Variants in ANKS1B observed in about 807,000 individuals in gnomAD.
ANKS1B encodes ankyrin repeat and sterile alpha motif domain containing 1B.
In ANKS1B, 36 loss-of-function variants were observed where a neutral mutation model predicts 148.3. The observed-to-expected ratio is 0.24, with a 90% CI of 0.19 to 0.32. The LOEUF (loss-of-function observed/expected upper bound fraction) is 0.32. ANKS1B is among the 10% of genes least tolerant of loss of function. ANKS1B has a pLI of 1.00. For synonymous variants in ANKS1B, 542 were observed against 560.8 expected (o/e 0.97, Z 0.47); for missense variants, 1,157 against 1,542.6 (o/e 0.75, Z 4.19).
At chr12:98,777,526 C>T (rs2098691676) in intron 24 of ANKS1B, among the ~76,000 whole-genome samples, 1 of 152,182 alleles carries the variant, frequency 6.6e-6, no homozygotes, top group Non-Finnish European at 1.5e-5. Context: ...GAAGAAGGGT[C>T]CGTTACTAAA....
chr12:99,049,137 T>C (rs996003849), intron 17 of ANKS1B: 4 of 152,232 alleles, frequency 2.6e-5, no homozygotes, highest in Non-Finnish European at 5.9e-5. Flanking sequence ...ATTTCTCATT[T>C]ATTATGTCCC....
At chr12:99,149,338 T>C (rs1477762720) in intron 15 of ANKS1B, among the ~76,000 whole-genome samples, 1 of 152,182 alleles carries the variant, frequency 6.6e-6, no homozygotes. Context: ...TTTGTTGAAA[T>C]GGATGACTCC....
intron 1 of ANKS1B, among the ~76,000 whole-genome samples, chr12:99,866,764 A>C (rs1446414255): frequency 6.6e-6 from 1 of 152,196 alleles, no homozygotes; most frequent in Non-Finnish European, 1.5e-5. Flanking sequence ...AAGAAAATCT[A>C]AATGTATAAT....
intron 9 of ANKS1B, among the ~76,000 whole-genome samples, chr12:99,622,271 T>C (rs2098062595): frequency 6.6e-6 from 1 of 151,902 alleles, no homozygotes; most frequent in Non-Finnish European, 1.5e-5. Context: ...ATAGCACTAA[T>C]TGCCTACTTC....
At chr12:99,855,195 G>GA (rs1263714788) in intron 1 of ANKS1B, among the ~76,000 whole-genome samples, 1 of 152,062 alleles carries the variant, frequency 6.6e-6, no homozygotes, top group Admixed American at 6.5e-5. Context: ...AACTTAAGGT[G>GA]AAGGGGTAGA....
chr12:99,347,596 A>G (rs1186044972), intron 12 of ANKS1B, among the ~76,000 whole-genome samples: 2 of 152,024 alleles, frequency 1.3e-5, no homozygotes, highest in Non-Finnish European at 2.9e-5. Flanking sequence ...TCAAATCACT[A>G]GCTGACCATT....
intron 14 of ANKS1B, among the ~76,000 whole-genome samples, chr12:99,244,122 G>T (rs1372872925): frequency 4.0e-5 from 6 of 151,518 alleles, no homozygotes; most frequent in Non-Finnish European, 5.9e-5. Context: ...CACTGGCATA[G>T]TAAAATAGCA....
chr12:99,328,747 A>G (rs1357891024), intron 12 of ANKS1B, among the ~76,000 whole-genome samples: 1 of 152,032 alleles, frequency 6.6e-6, no homozygotes, highest in Non-Finnish European at 1.5e-5. Flanking sequence ...AACAAGTAGG[A>G]AATATGACCC....
chr12:99,292,448 G>A (rs1034334890), intron 12 of ANKS1B, among the ~76,000 whole-genome samples: 3 of 151,126 alleles, frequency 2.0e-5, no homozygotes, highest in African/African-American at 7.3e-5. Flanking sequence ...CTGGGAGGCG[G>A]AGCTTTCAGT....
chr12:99,022,415 T>C (rs767320898), intron 17 of ANKS1B, among the ~76,000 whole-genome samples: 2 of 152,196 alleles, frequency 1.3e-5, no homozygotes, highest in Non-Finnish European at 2.9e-5. Context: ...AAATTTGAAG[T>C]TTATCTGCCA....
chr12:99,463,473 G>T (rs2088796), intron 10 of ANKS1B, among the ~76,000 whole-genome samples: 23,828 of 152,150 alleles, frequency 0.16, 2,014 homozygotes, highest in South Asian at 0.22. Context: ...TGCGCGAGCC[G>T]AAGCAGGGCG....
At chr12:98,942,320 A>G (rs1462097412) in intron 17 of ANKS1B, among the ~76,000 whole-genome samples, 1 of 152,158 alleles carries the variant, frequency 6.6e-6, no homozygotes, top group Non-Finnish European at 1.5e-5. Context: ...ACTTTTGTGA[A>G]TGGCCAAAGT....
rs866977409 is a variant in ANKS1B, at chr12:98,936,086, T to C, written c.2779-103950A>G. Among the ~76,000 whole-genome samples the C allele has an allele frequency of 6.6e-5, 10 of 152,290 alleles. No homozygotes were observed. In the South Asian group the frequency reaches 2.1e-3, roughly 32 times the overall value. On this transcript the variant is annotated intron_variant, in intron 17 of 26. Coordinates refer to ENST00000683438, the MANE Select transcript of ANKS1B (RefSeq NM_001352186.2). Reference sequence around the variant, plus strand: ...GCAATGTTCAGTTCGATTTTAGTGGTTAGCACAATTTATGGTATTTTATTG... The same window carrying C: ...GCAATGTTCAGTTCGATTTTAGTGGCTAGCACAATTTATGGTATTTTATTG...
intron 15 of ANKS1B, among the ~76,000 whole-genome samples, chr12:99,133,717 T>C (rs145200186): frequency 5.9e-5 from 9 of 152,304 alleles, no homozygotes; most frequent in African/African-American, 2.2e-4. Context: ...GAGATGCCCA[T>C]AAGCCTATTT....
At position 99,085,012 on chromosome 12, in the gene ANKS1B, A is replaced by G; in HGVS notation, c.2538T>C (p.Val846=). Residue 846 remains valine (V), a synonymous_variant, in exon 16 of 27, where the codon GTT becomes GTC. Coordinates refer to ENST00000683438, the MANE Select transcript of ANKS1B (RefSeq NM_001352186.2). ...TTTCCAACAAATCCTGATCTTCCAT[A>G]ACATTGCTTCCCTGAAACAAAACAG... ...FDNVQFMGSN[V]MEDQDLLEIG... is the part of the protein sequence containing the mutation. The G allele has an allele frequency of 1.2e-6, 2 of 1,607,336 alleles. No homozygotes were observed. Among genetic ancestry groups the G allele is most frequent in the Non-Finnish European group, 1.7e-6 (2 of 1,176,524 alleles).
intron 12 of ANKS1B, among the ~76,000 whole-genome samples, chr12:99,291,508 G>A (rs1231257600): frequency 1.3e-5 from 2 of 152,124 alleles, no homozygotes; most frequent in Non-Finnish European, 2.9e-5. Context: ...CAGAAATATT[G>A]TAACAAAAAC....
intron 1 of ANKS1B, among the ~76,000 whole-genome samples, chr12:99,841,083 T>C (rs1004724876): frequency 6.6e-6 from 1 of 152,088 alleles, no homozygotes; most frequent in Non-Finnish European, 1.5e-5. Flanking sequence ...CTTGGGAAAA[T>C]TACCTAACTA....
chr12:99,794,940 A>G (rs1243072105), intron 4 of ANKS1B, among the ~76,000 whole-genome samples: 1 of 151,998 alleles, frequency 6.6e-6, no homozygotes, highest in Non-Finnish European at 1.5e-5. Flanking sequence ...TATCTCATGA[A>G]CCCATAAATA....
rs1190109833 is a variant in ANKS1B, at chr12:99,649,211, T to G, written c.1272+5856A>C. 58 of 1,124,928 alleles carry G rather than the reference T, an allele frequency of 5.2e-5. No individual in the cohort carries two copies. In the East Asian group the frequency reaches 1.3e-3, roughly 26 times the overall value. 69.7% of individuals were successfully genotyped at this position (1,124,928 alleles called of 1,614,324 possible). ...GTTTGTGTACTTGTGCAATAATTTC[T>G]TTTTGTTGTTTACCTATAGGAAGAG... On this transcript the variant is annotated intron_variant, in intron 9 of 26. Coordinates refer to ENST00000683438, the MANE Select transcript of ANKS1B (RefSeq NM_001352186.2).
Sources: allele counts gnomAD v4.1 joint callset (sites outside exome capture counted in the v4.1 genomes callset), GRCh38; gene constraint gnomAD v4.1.1; transcripts MANE v1.5; gene names NCBI Gene and HGNC (gene_info 2026-07-23, HGNC 2026-07-21).